The following TOP1 variants were observed in gnomAD, a reference collection of about 807,000 sequenced individuals.
TOP1 encodes the protein DNA topoisomerase 1.
Under a neutral mutation model 111.1 loss-of-function variants are expected in TOP1, and 10 were observed. The observed-to-expected ratio is 0.09, with a 90% CI of 0.06 to 0.15. The LOEUF is 0.15. Ranked by LOEUF, TOP1 falls within the 10% of genes least tolerant of loss-of-function variation. The pLI is 1.00. For synonymous variants in TOP1, 271 were observed against 302.9 expected, an observed-to-expected ratio of 0.89 and a Z score of 1.10; for missense variants, 474 against 926.7, an observed-to-expected ratio of 0.51 and a Z score of 6.34.
At chr20:41,093,394 G>C (rs765094807) in intron 9 of TOP1, among the ~76,000 whole-genome samples, 4 of 151,962 alleles carry the variant, frequency 2.6e-5, no homozygotes, top group Non-Finnish European at 5.9e-5. Context: ...TTGTGGGGTG[G>C]GCTTCTTTTC....
rs929033271 is a variant in TOP1, at chr20:41,111,473, C to T, written c.1309-1309C>T. ...TGTGAGAGTGCAGATGACTCCTTAG[C>T]TTAACTGTGTAAGCTTTTAATTTCT... is the stretch of plus-strand genomic sequence containing the variant. On this transcript the variant is annotated intron_variant, in intron 13 of 20. Transcript: ENST00000361337. Among the ~76,000 whole-genome samples the T allele has an allele frequency of 5.9e-5, 9 of 152,266 alleles. No individual in the cohort carries two copies. In the Middle Eastern group the frequency reaches 0.01, roughly 173 times the overall value.
chr20:41,105,534 G>A (rs1447554576), intron 13 of TOP1, among the ~76,000 whole-genome samples: 1 of 152,202 alleles, frequency 6.6e-6, no homozygotes. Flanking sequence ...TCTTCGCTCT[G>A]TCACCCAGGC....
chr20:41,096,369 C>A (rs1476898035), intron 9 of TOP1, among the ~76,000 whole-genome samples: 1 of 152,184 alleles, frequency 6.6e-6, no homozygotes, highest in Non-Finnish European at 1.5e-5. Context: ...CTCCCAGCCC[C>A]TTTAGACAGC....
rs980578630 is a variant in TOP1, at chr20:41,029,119, C to A, written c.33+19C>A. ...TTCCCAGGTACGGCCCGGCCTGACC[C>A]TGGCGGCCCCGGACCCCGGCCTGGC... On this transcript the variant is annotated intron_variant, in intron 1 of 20. Transcript: ENST00000361337. The surrounding 1 kb of genome is among the most constrained non-coding windows in gnomAD (Gnocchi z 6.1). 2.7e-6 allele frequency: 4 copies of A among 1,490,940 alleles called. No homozygotes were observed. In the African/African-American group the frequency reaches 5.9e-5, roughly 22 times the overall value. 92.4% of individuals were successfully genotyped at this position (1,490,940 alleles called of 1,614,324 possible).
Position 41,118,276 on chromosome 20 carries a change from A to G in TOP1, c.1930A>G (p.Met644Val). The change falls in exon 18 of 21, where the codon ATG becomes GTG. Residue 644 changes from methionine (M) to valine (V), a missense_variant. By Grantham distance (21) the Met-to-Val change is conservative. Around this residue, in one of 14 missense-constraint regions of TOP1, gnomAD observed 13 missense variants for 56.8 expected, o/e 0.23. Coordinates refer to ENST00000361337, the MANE Select transcript of TOP1 (RefSeq NM_003286.4). This position sits in a 1 kb window ranked among gnomAD's most constrained non-coding sequence, Gnocchi z 4.6. The part of the protein sequence containing the change: ...RAPPKTFEKS[M>V]MNLQTKIDAK... ...ACCACCAAAAACTTTTGAGAAGTCT[A>G]TGATGAACTTGCAAACTAAGGTATC... 1.2e-6 allele frequency: 2 copies of G among 1,614,170 alleles called. No homozygotes were observed. Among genetic ancestry groups the G allele is most frequent in the Non-Finnish European group, 1.7e-6 (2 of 1,180,004 alleles).
intron 3 of TOP1, chr20:41,072,674 T>C (rs1350094886): frequency 1.0e-6 from 1 of 985,290 alleles, no homozygotes; most frequent in Non-Finnish European, 1.2e-6. Flanking sequence ...GATGCCAGGT[T>C]GGGCTCCAGG....
chr20:41,080,221 G>A lies in TOP1; in HGVS notation c.431+41G>A, dbSNP rs1215461930. On this transcript the variant is annotated intron_variant, in intron 6 of 20. Coordinates refer to ENST00000361337, the MANE Select transcript of TOP1 (RefSeq NM_003286.4). The surrounding 1 kb of genome is among the most constrained non-coding windows in gnomAD (Gnocchi z 5.0). ...AAACTTTGACTTTTGAAAACAAAAA[G>A]GAGGAGTTTAAAGAATAAATGTGAT... 3 of 1,235,026 alleles carry A rather than the reference G, an allele frequency of 2.4e-6. No homozygotes were observed. Among genetic ancestry groups the A allele is most frequent in the Non-Finnish European group, 3.5e-6 (3 of 859,552 alleles). The allele number at this position is 1,235,026 out of a possible 1,614,324, so 76.5% of individuals were successfully genotyped here. A position where few individuals can be genotyped will look rare whatever the true frequency, so the allele number is the denominator to read the frequency against.
chr20:41,074,091 A>C (rs1409160169), intron 3 of TOP1, among the ~76,000 whole-genome samples: 1 of 152,232 alleles, frequency 6.6e-6, no homozygotes, highest in Non-Finnish European at 1.5e-5. Context: ...AGAATCAATT[A>C]TAATCTCAGC....
chr20:41,035,759 T>C (rs997385904), intron 2 of TOP1, among the ~76,000 whole-genome samples: 3 of 152,212 alleles, frequency 2.0e-5, no homozygotes, highest in East Asian at 1.9e-4. Flanking sequence ...ACACCCTTTT[T>C]CCCCTTAGTA....
rs551592705 is a variant in TOP1 at position 41,058,442 on chromosome 20, T to A, written c.59-2952T>A. 6.6e-6 allele frequency among the ~76,000 whole-genome samples: 1 copy of A among 152,288 alleles called. No homozygotes were observed. The highest frequency in any genetic ancestry group is 2.4e-5 in the African/African-American group (1 of 41,564). On this transcript the variant is annotated intron_variant, in intron 2 of 20. Transcript: ENST00000361337. The surrounding 1 kb of genome is among the most constrained non-coding windows in gnomAD (Gnocchi z 4.2). Reference sequence around the variant, plus strand: ...GGCTGCAGTCATTTGAAAACTTAATTTAGGCTAGAAGGTCCACTTCCAGGA... The same window carrying A: ...GGCTGCAGTCATTTGAAAACTTAATATAGGCTAGAAGGTCCACTTCCAGGA...
chr20:41,105,066 A>G (rs2034124819), intron 13 of TOP1, among the ~76,000 whole-genome samples: 1 of 152,218 alleles, frequency 6.6e-6, no homozygotes, highest in Non-Finnish European at 1.5e-5. Context: ...TTTATTTCAT[A>G]AAAGATACTG....
chr20:41,104,613 G>C (rs1181357576), intron 13 of TOP1, among the ~76,000 whole-genome samples: 1 of 152,190 alleles, frequency 6.6e-6, no homozygotes, highest in Admixed American at 6.5e-5. Flanking sequence ...GCAAGTTTCT[G>C]GATGATGATC....
rs758871150 is a variant in TOP1 at position 41,080,077 on chromosome 20, C to T, written c.336-8C>T. The T allele has an allele frequency of 1.9e-6, 3 of 1,586,542 alleles. No homozygotes were observed. The highest frequency in any genetic ancestry group is 1.1e-5 in the South Asian group (1 of 88,896). ...AGCACTCTGACCAGCAATTTTTTTT[C>T]TCTTTAGTCCACCACAAATTAAAGA... On this transcript the variant is annotated splice_region_variant and splice_polypyrimidine_tract_variant and intron_variant, in intron 5 of 20. Transcript: ENST00000361337. This position sits in a 1 kb window ranked among gnomAD's most constrained non-coding sequence, Gnocchi z 5.0.
chr20:41,040,156 T>C (rs1716182640), intron 2 of TOP1, among the ~76,000 whole-genome samples: 1 of 152,244 alleles, frequency 6.6e-6, no homozygotes, highest in South Asian at 2.1e-4. Context: ...ATGAAACTAT[T>C]GAAATATTAT....
rs1388914692 is a variant in TOP1, at chr20:41,106,825, A to T, written c.1308+5472A>T. On this transcript the variant is annotated intron_variant, in intron 13 of 20. Transcript: ENST00000361337. This position sits in a 1 kb window ranked among gnomAD's most constrained non-coding sequence, Gnocchi z 4.3. ...AAAGTGTCTGTCATTTGGGGTTTCT[A>T]TGTAGATAATTTAATTATCTATAAA... Among the ~76,000 whole-genome samples, 2 of 152,136 alleles carry T rather than the reference A, an allele frequency of 1.3e-5. No homozygotes were observed. The highest frequency in any genetic ancestry group is 1.3e-4 in the Admixed American group (2 of 15,264).
At chr20:41,033,186 A>G (rs2033141867) in intron 2 of TOP1, among the ~76,000 whole-genome samples, 1 of 152,192 alleles carries the variant, frequency 6.6e-6, no homozygotes, top group South Asian at 2.1e-4. Context: ...AGGCATCACT[A>G]AAAGAATCAG....
In TOP1 at chr20:41,095,688, T is replaced by C. The variant is rs577960067; in HGVS notation, c.731-1532T>C. Among the ~76,000 whole-genome samples the C allele has an allele frequency of 6.6e-6, 1 of 152,324 alleles. No individual in the cohort carries two copies. The highest frequency in any genetic ancestry group is 2.4e-5 in the African/African-American group (1 of 41,576). On this transcript the variant is annotated intron_variant, in intron 9 of 20. Coordinates refer to ENST00000361337, the MANE Select transcript of TOP1 (RefSeq NM_003286.4). This position sits in a 1 kb window ranked among gnomAD's most constrained non-coding sequence, Gnocchi z 4.6. ...GCATATCATTATGAGATAAGATGTC[T>C]TCTGAGTTTTGAAATAAATGGATTT...
At chr20:41,036,251 C>A (rs1263602845) in intron 2 of TOP1, among the ~76,000 whole-genome samples, 5 of 152,058 alleles carry the variant, frequency 3.3e-5, no homozygotes, top group African/African-American at 1.2e-4. Flanking sequence ...CAGAACCTGC[C>A]CTTGATTATC....
At chr20:41,103,211 C>A (rs1018275745) in intron 13 of TOP1, among the ~76,000 whole-genome samples, 1 of 152,172 alleles carries the variant, frequency 6.6e-6, no homozygotes, top group African/African-American at 2.4e-5. Flanking sequence ...ACATTTGGAT[C>A]TTCTAAGCAT....
Sources: allele counts gnomAD v4.1 joint callset (sites outside exome capture counted in the v4.1 genomes callset), GRCh38; gene constraint gnomAD v4.1.1; regional missense constraint gnomAD v4.1.1; non-coding constraint Gnocchi (gnomAD v3.1); transcripts MANE v1.5; gene names NCBI Gene and HGNC (gene_info 2026-07-23, HGNC 2026-07-21).